DIP2C: variants seen among roughly 807,000 people sequenced by gnomAD.
DIP2C encodes the protein DIP2 acetate--CoA ligase C (putative).
A neutral mutation model predicts 192.4 loss-of-function variants in DIP2C; 33 were observed. The ratio of observed to expected loss-of-function variants is 0.17; its 90% CI spans 0.13 to 0.23. The LOEUF (loss-of-function observed/expected upper bound fraction) is 0.23. Ranked by LOEUF, DIP2C falls within the 10% of genes least tolerant of loss-of-function variation. DIP2C has a pLI of 1.00. For synonymous variants in DIP2C, 979 were observed against 864.1 expected, an observed-to-expected ratio of 1.13 and a Z score of -2.33; for missense variants, 1,537 against 2,110.1, an observed-to-expected ratio of 0.73 and a Z score of 5.32.
chr10:399,656 G>C (rs1220280437), intron 9 of DIP2C, among the ~76,000 whole-genome samples: 1 of 152,196 alleles, frequency 6.6e-6, no homozygotes, highest in Non-Finnish European at 1.5e-5. Context: ...TGGCCTCTCT[G>C]AGCCTTAGTG....
At chr10:678,848 A>ACCCGTGCTCCCTGTG (rs1830984658) in intron 1 of DIP2C, among the ~76,000 whole-genome samples, 1 of 9,400 alleles carries the variant, frequency 1.1e-4, no homozygotes, top group Non-Finnish European at 2.0e-4. Flanking sequence ...TGCTCCCCGC[A>ACCCGTGCTCCCTGTG]CCCATCTCTG....
intron 1 of DIP2C, among the ~76,000 whole-genome samples, chr10:533,877 A>T (rs1476227975): frequency 6.6e-6 from 1 of 152,122 alleles, no homozygotes; most frequent in Non-Finnish European, 1.5e-5. Context: ...TGGGCTGAGA[A>T]CTGTCTCAGA....
rs143035263 is a variant in DIP2C, at chr10:555,102, A to G, written c.86-68572T>C. On this transcript the variant is annotated intron_variant, in intron 1 of 36. Coordinates refer to ENST00000280886, the MANE Select transcript of DIP2C (RefSeq NM_014974.3). The stretch of plus-strand genomic sequence containing the variant: ...ATTCTAATTCCAACAAAGAAAAATA[A>G]GTGTAAAAATGCATGCCTATAAAAT... Among the ~76,000 whole-genome samples the G allele has an allele frequency of 7.9e-5, 12 of 152,334 alleles. No individual in the cohort carries two copies. The East Asian group carries it at 2.3e-3, about 29-fold the overall frequency.
intron 1 of DIP2C, among the ~76,000 whole-genome samples, chr10:532,818 C>T (rs1035332131): frequency 1.3e-5 from 2 of 151,808 alleles, no homozygotes; most frequent in African/African-American, 2.4e-5. Context: ...CTTGTTCTGT[C>T]GCTCAGGCAC....
In DIP2C at chr10:320,567, AGTGACT is replaced by A. The variant is rs578247763; in HGVS notation, c.3924+6433_3924+6438del. Among the ~76,000 whole-genome samples, 23 of 152,248 alleles carry A rather than the reference AGTGACT, an allele frequency of 1.5e-4. No individual in the cohort carries two copies. The South Asian group carries it at 4.8e-3, about 32-fold the overall frequency. On this transcript the variant is annotated intron_variant, in intron 31 of 36. Transcript: ENST00000280886. Reference sequence around the variant, plus strand: ...TGACAAAATGTATCCAACATCCAGAAGTGACTGTGATGATGTGAGATGGCACTGGAC... The same window carrying A: ...TGACAAAATGTATCCAACATCCAGAAGTGATGATGTGAGATGGCACTGGAC...
intron 1 of DIP2C, among the ~76,000 whole-genome samples, chr10:591,507 C>T (rs1379343342): frequency 6.6e-6 from 1 of 152,158 alleles, no homozygotes; most frequent in East Asian, 1.9e-4. Context: ...ATATTTTTTC[C>T]AAGAGAACCA....
rs1339417144 is a variant in DIP2C, at chr10:666,377, A to C, written c.85+23117T>G. On this transcript the variant is annotated intron_variant, in intron 1 of 36. Coordinates refer to ENST00000280886, the MANE Select transcript of DIP2C (RefSeq NM_014974.3). This position sits in a 1 kb window ranked among gnomAD's most constrained non-coding sequence, Gnocchi z 4.1. Reference sequence around the variant, plus strand: ...CAGAGCGTCCCCGCCTCCCTCCCTCACCGCCCTCCCGCACTGATGTGAACA... The same window carrying C: ...CAGAGCGTCCCCGCCTCCCTCCCTCCCCGCCCTCCCGCACTGATGTGAACA... 6.6e-6 allele frequency: 1 copy of C among 151,406 alleles called. No individual in the cohort carries two copies. The highest frequency in any genetic ancestry group is 1.5e-5 in the Non-Finnish European group (1 of 67,864). 9.4% of individuals were successfully genotyped at this position (151,406 alleles called of 1,614,324 possible).
At chr10:482,620 A>T (rs1026646092) in intron 2 of DIP2C, among the ~76,000 whole-genome samples, 1 of 152,198 alleles carries the variant, frequency 6.6e-6, no homozygotes, top group Non-Finnish European at 1.5e-5. Context: ...GAAACATTTC[A>T]CAGACAAACA....
At chr10:601,125 AAGGC>A (rs1369058242) in intron 1 of DIP2C, among the ~76,000 whole-genome samples, 5 of 152,244 alleles carry the variant, frequency 3.3e-5, no homozygotes, top group African/African-American at 1.2e-4. Context: ...GAAAAACCAA[AAGGC>A]AGAATTTGTT....
intron 29 of DIP2C, among the ~76,000 whole-genome samples, chr10:338,912 C>G (rs918934507): frequency 6.7e-6 from 1 of 149,052 alleles, no homozygotes; most frequent in Non-Finnish European, 1.5e-5. Context: ...CCACAGCCCA[C>G]GCCACCTGCA....
At chr10:476,226 G>A (rs990851066) in intron 2 of DIP2C, among the ~76,000 whole-genome samples, 1 of 152,212 alleles carries the variant, frequency 6.6e-6, no homozygotes, top group African/African-American at 2.4e-5. Flanking sequence ...AAACGGCCGA[G>A]ATGGAGATGA....
intron 1 of DIP2C, among the ~76,000 whole-genome samples, chr10:515,529 C>A (rs1413878575): frequency 6.6e-6 from 1 of 152,094 alleles, no homozygotes; most frequent in Non-Finnish European, 1.5e-5. Context: ...TCAAGACCAG[C>A]CTGGCCAATA....
chr10:418,161 ACAGGCC>A (rs1965909902), intron 6 of DIP2C, among the ~76,000 whole-genome samples: 2 of 57,536 alleles, frequency 3.5e-5, no homozygotes, highest in Admixed American at 1.9e-4. Flanking sequence ...CAGAGCTCGG[ACAGGCC>A]TCCCTGTCCA....
chr10:672,977 G>A (rs1020477119), intron 1 of DIP2C, among the ~76,000 whole-genome samples: 2 of 152,228 alleles, frequency 1.3e-5, no homozygotes, highest in Non-Finnish European at 2.9e-5. Context: ...CTGGATCACA[G>A]ATTAGATTTT....
intron 2 of DIP2C, among the ~76,000 whole-genome samples, chr10:476,362 C>T (rs531285305): frequency 3.5e-4 from 53 of 152,306 alleles, no homozygotes; most frequent in African/African-American, 1.2e-3. Flanking sequence ...CGTCTGGCTC[C>T]TGTCATTCTG....
chr10:392,327 C>T (rs1006609697), intron 10 of DIP2C, among the ~76,000 whole-genome samples: 7 of 152,164 alleles, frequency 4.6e-5, no homozygotes, highest in Admixed American at 6.5e-5. Context: ...TGAGGCCAGT[C>T]GCTCATGGCT....
At chr10:581,643 C>G (rs1427785279) in intron 1 of DIP2C, among the ~76,000 whole-genome samples, 1 of 152,082 alleles carries the variant, frequency 6.6e-6, no homozygotes, top group Non-Finnish European at 1.5e-5. Context: ...GGATGGAACC[C>G]ACCACCACGA....
chr10:591,352 T>TG (rs1851393991), intron 1 of DIP2C, among the ~76,000 whole-genome samples: 1 of 152,104 alleles, frequency 6.6e-6, no homozygotes, highest in African/African-American at 2.4e-5. Context: ...CTCAAACTCC[T>TG]GACCTCAGGT....
At chr10:523,532 AGGACCCT>A (rs1274929700) in intron 1 of DIP2C, among the ~76,000 whole-genome samples, 1 of 149,840 alleles carries the variant, frequency 6.7e-6, no homozygotes, top group Admixed American at 6.7e-5. Context: ...ACCTGAGCAA[AGGACCCT>A]GGAGTGAGGA....
Sources: gnomAD v4.1 joint callset for allele counts (sites outside exome capture counted in the v4.1 genomes callset) on GRCh38, gnomAD v4.1.1 for gene constraint, Gnocchi (gnomAD v3.1) non-coding constraint, MANE v1.5 for transcripts, NCBI Gene and HGNC (gene_info 2026-07-23, HGNC 2026-07-21) for gene names.